COL15A1: variants seen among roughly 807,000 people sequenced by gnomAD.
COL15A1 encodes the protein collagen type XV alpha 1 chain.
A neutral mutation model predicts 165.9 loss-of-function variants in COL15A1; 111 were observed. The ratio of observed to expected loss-of-function variants is 0.67; its 90% CI spans 0.57 to 0.78. The LOEUF (loss-of-function observed/expected upper bound fraction) is 0.78. COL15A1 is among the 30% of genes least tolerant of loss of function. COL15A1 has a pLI of 0.00. For missense variants in COL15A1, 1,745 were observed against 1,789.7 expected (o/e 0.98, Z 0.45); for synonymous variants, 659 against 674.8 (o/e 0.98, Z 0.36).
chr9:98,952,419 C>G (rs1837703334), intron 2 of COL15A1, among the ~76,000 whole-genome samples: 1 of 152,184 alleles, frequency 6.6e-6, no homozygotes. Flanking sequence ...CTTCTCTCTA[C>G]TCATCTTATT....
chr9:99,047,393 G>T (rs576349187), intron 26 of COL15A1, among the ~76,000 whole-genome samples: 1 of 152,152 alleles, frequency 6.6e-6, no homozygotes, highest in Non-Finnish European at 1.5e-5. Context: ...TCAGAATGGG[G>T]GATGCGATAA....
At chr9:98,973,381 T>C (rs933161758) in intron 2 of COL15A1, among the ~76,000 whole-genome samples, 1 of 152,210 alleles carries the variant, frequency 6.6e-6, no homozygotes, top group Non-Finnish European at 1.5e-5. Context: ...AAAAATGCTC[T>C]TCTGTAATTC....
intron 3 of COL15A1, 22 bp downstream of exon 3, chr9:98,986,134 G>C: frequency 6.3e-7 from 1 of 1,585,422 alleles, no homozygotes; most frequent in Non-Finnish European, 8.6e-7. Context: ...TCCCACTCCA[G>C]GTAGATCAGG....
chr9:99,069,831 A>G lies in COL15A1; in HGVS notation c.4112A>G (p.Asn1371Ser), dbSNP rs1266194634. 1.1e-5 allele frequency: 18 copies of G among 1,614,092 alleles called. No individual in the cohort carries two copies. The highest frequency in any genetic ancestry group is 1.5e-5 in the Non-Finnish European group (18 of 1,180,008). The change falls in exon 42 of 42, where the codon AAT (asparagine) becomes AGT (serine). Residue 1371 changes from asparagine to serine, a missense_variant. Physicochemically the swap from Asn to Ser is conservative, Grantham distance 46. Transcript: ENST00000375001. The part of the protein sequence containing the change: ...ILDQKAYSCA[N>S]RLIVLCIENS... ...GACCAGAAAGCATACAGCTGTGCTA[A>G]TCGGCTAATTGTCCTATGTATCGAA...
intron 2 of COL15A1, among the ~76,000 whole-genome samples, chr9:98,948,491 G>T (rs183342848): frequency 0.042 from 6,435 of 151,796 alleles, 166 homozygotes; most frequent in Middle Eastern, 0.071. Flanking sequence ...CCAGCTACTT[G>T]GGAGGCTGAG....
In COL15A1 at chr9:98,987,295, G is replaced by A; in HGVS notation, c.650G>A (p.Gly217Asp). Residue 217 changes from glycine to aspartate, a missense_variant and splice_region_variant, in exon 4 of 42, where the codon GGC becomes GAC. Transcript: ENST00000375001. ...TTCTGATCCGTCTCTTTTCCCCAGG[G>A]CTCCCTCCAGCAGCTCACCGTGCAC... ...AGATGLERFT[G>D]SLQQLTVHPD... is the part of the protein sequence containing the mutation. The A allele has an allele frequency of 1.9e-6, 3 of 1,612,774 alleles. No homozygotes were observed. The highest frequency in any genetic ancestry group is 1.3e-5 in the African/African-American group (1 of 74,950).
At chr9:98,949,068 A>T (rs919661553) in intron 2 of COL15A1, among the ~76,000 whole-genome samples, 2 of 152,196 alleles carry the variant, frequency 1.3e-5, no homozygotes, top group African/African-American at 4.8e-5. Context: ...TGCTTTTTAA[A>T]AATAGCTTTA....
intron 2 of COL15A1, among the ~76,000 whole-genome samples, chr9:98,984,689 C>T (rs768996647): frequency 2.0e-5 from 3 of 152,174 alleles, no homozygotes; most frequent in African/African-American, 4.8e-5. Context: ...TTTCAATTGC[C>T]TTGAGGCCTG....
chr9:99,050,600 G>A (rs1356303668), intron 30 of COL15A1, among the ~76,000 whole-genome samples: 3 of 152,220 alleles, frequency 2.0e-5, no homozygotes, highest in Non-Finnish European at 4.4e-5. Flanking sequence ...GGTGGGCCTT[G>A]TGTACAGGCC....
chr9:99,042,046 G>T lies in COL15A1; in HGVS notation c.2513G>T (p.Gly838Val). The change falls in exon 24 of 42, where the codon GGT (glycine) becomes GTT (valine). Residue 838 changes from glycine (G) to valine (V), a missense_variant and splice_region_variant. Transcript: ENST00000375001. ...DGLPGLPGFPGPRGPKGDTGL... is the reference protein window; with the variant it reads ...DGLPGLPGFPVPRGPKGDTGL... ...ATACTATATAACAATTCCTTCCAGG[G>T]TCCTAGAGGACCAAAAGGTGACACT... The T allele has an allele frequency of 6.2e-7, 1 of 1,605,150 alleles. No homozygotes were observed. Among genetic ancestry groups the T allele is most frequent in the Non-Finnish European group, 8.5e-7 (1 of 1,172,712 alleles).
intron 2 of COL15A1, among the ~76,000 whole-genome samples, chr9:98,963,277 G>GCC (rs199579008): frequency 2.7e-5 from 3 of 112,722 alleles, no homozygotes; most frequent in East Asian, 2.2e-4. Context: ...ATGCCTGCAA[G>GCC]TCCCCCCAAA....
At chr9:99,013,368 C>T (rs982516182) in intron 9 of COL15A1, among the ~76,000 whole-genome samples, 2 of 152,120 alleles carry the variant, frequency 1.3e-5, no homozygotes, top group African/African-American at 4.8e-5. Context: ...AATGCCCTTT[C>T]TCTTTGAAGC....
At chr9:98,985,496 G>C in intron 2 of COL15A1, 69 bp from the exon 3 acceptor site, 1 of 1,439,670 alleles carries the variant, frequency 6.9e-7, no homozygotes, top group Non-Finnish European at 9.4e-7. Flanking sequence ...TTGTGACTGC[G>C]TTTCTTCCTC....
chr9:99,048,443 A>G (rs900436989), intron 28 of COL15A1, among the ~76,000 whole-genome samples: 9 of 152,232 alleles, frequency 5.9e-5, no homozygotes, highest in African/African-American at 2.2e-4. Flanking sequence ...ACTGGGCAGC[A>G]GCAGGGACCC....
intron 30 of COL15A1, 79 bp downstream of exon 30, chr9:99,049,974 G>C: frequency 6.3e-7 from 1 of 1,591,382 alleles, no homozygotes; most frequent in Non-Finnish European, 8.6e-7. Context: ...CTTTGTCTTG[G>C]GCCCTTTCTA....
At position 99,028,100 on chromosome 9, in the gene COL15A1, A is replaced by G. The variant is rs75635016; in HGVS notation, c.2043+2134A>G. ...CTTGCACCGTTGGATAGATCCACTT[A>G]TAGGGAAGTCTTTCCATTTGCTGTG... On this transcript the variant is annotated intron_variant, in intron 16 of 41. Coordinates refer to ENST00000375001, the MANE Select transcript of COL15A1 (RefSeq NM_001855.5). Among the ~76,000 whole-genome samples, 639 of 152,318 alleles carry G rather than the reference A, an allele frequency of 4.2e-3. 5 individuals are homozygous for G. Among genetic ancestry groups the G allele is most frequent in the African/African-American group, 0.014 (578 of 41,550 alleles).
intron 14 of COL15A1, among the ~76,000 whole-genome samples, 180 bp downstream of exon 14, chr9:99,023,629 T>C (rs1388017784): frequency 6.6e-6 from 1 of 152,208 alleles, no homozygotes; most frequent in Non-Finnish European, 1.5e-5. Flanking sequence ...TTGAAATTGT[T>C]CACTTTGATC....
intron 35 of COL15A1, among the ~76,000 whole-genome samples, chr9:99,057,768 T>A (rs117998659): frequency 1.3e-5 from 2 of 152,312 alleles, no homozygotes; most frequent in East Asian, 3.9e-4. Flanking sequence ...GAAGGCATAC[T>A]TTTTTGTTGT....
chr9:98,982,126 A>G (rs1838243622), intron 2 of COL15A1, among the ~76,000 whole-genome samples: 1 of 151,478 alleles, frequency 6.6e-6, no homozygotes, highest in African/African-American at 2.4e-5. Context: ...AAAAAATGAT[A>G]TATATAGAGA....
Sources: gnomAD v4.1 joint callset for allele counts (sites outside exome capture counted in the v4.1 genomes callset) on GRCh38, gnomAD v4.1.1 for gene constraint, MANE v1.5 for transcripts, NCBI Gene and HGNC (gene_info 2026-07-23, HGNC 2026-07-21) for gene names.